PTPRD: variants seen among roughly 807,000 people sequenced by gnomAD.
The protein encoded by PTPRD is protein tyrosine phosphatase receptor type D.
Under a neutral mutation model 214.5 loss-of-function variants are expected in PTPRD, and 34 were observed. That is an observed-to-expected ratio of 0.16 (90% CI 0.12 to 0.21). The LOEUF is 0.21. Ranked by LOEUF, PTPRD falls within the 10% of genes least tolerant of loss-of-function variation. The pLI is 1.00. For synonymous variants in PTPRD, 1,128 were observed against 845.7 expected, an observed-to-expected ratio of 1.33 and a Z score of -5.79; for missense variants, 2,545 against 2,398.7, an observed-to-expected ratio of 1.06 and a Z score of -1.27.
At chr9:8,546,173 T>C (rs937768622) in intron 14 of PTPRD, among the ~76,000 whole-genome samples, 46 of 152,188 alleles carry the variant, frequency 3.0e-4, no homozygotes, top group African/African-American at 1.1e-3. Flanking sequence ...TTATGGAGAA[T>C]TAGCTGAAGT....
chr9:10,265,436 T>C (rs2093988972), intron 3 of PTPRD, among the ~76,000 whole-genome samples: 1 of 152,180 alleles, frequency 6.6e-6, no homozygotes, highest in Non-Finnish European at 1.5e-5. Context: ...GGAAAAGCCA[T>C]TATAGAATAA....
chr9:9,077,153 A>G (rs2099752397), intron 10 of PTPRD, among the ~76,000 whole-genome samples: 1 of 59,946 alleles, frequency 1.7e-5, no homozygotes, highest in African/African-American at 5.0e-5. Flanking sequence ...TCAGATTATT[A>G]GTTTTTTTTT....
chr9:9,759,641 T>C (rs1221727542), intron 6 of PTPRD, among the ~76,000 whole-genome samples: 1 of 142,000 alleles, frequency 7.0e-6, no homozygotes, highest in Non-Finnish European at 1.5e-5. Context: ...CACTGCAACC[T>C]CTACCTCCCA....
chr9:8,511,228 C>T (rs891327163), intron 21 of PTPRD, among the ~76,000 whole-genome samples: 1 of 151,960 alleles, frequency 6.6e-6, no homozygotes, highest in Non-Finnish European at 1.5e-5. Flanking sequence ...GCCATAACAC[C>T]CGGCTAATTT....
intron 3 of PTPRD, among the ~76,000 whole-genome samples, chr9:10,133,198 C>A (rs2154259987): frequency 6.6e-6 from 1 of 152,240 alleles, no homozygotes; most frequent in South Asian, 2.1e-4. Context: ...ATGGAGATCA[C>A]TAACGGTGCT....
intron 10 of PTPRD, among the ~76,000 whole-genome samples, chr9:9,144,970 C>T (rs2099866283): frequency 6.6e-6 from 1 of 152,130 alleles, no homozygotes; most frequent in Non-Finnish European, 1.5e-5. Context: ...TAAAGGTATT[C>T]TGAAAGTTAT....
At chr9:10,585,763 A>G (rs1342095180) in intron 2 of PTPRD, among the ~76,000 whole-genome samples, 1 of 151,934 alleles carries the variant, frequency 6.6e-6, no homozygotes, top group Non-Finnish European at 1.5e-5. Context: ...GTGTGGGGGG[A>G]AAAGGGCCCT....
intron 20 of PTPRD, 60 bp downstream of exon 20, chr9:8,521,217 G>C (rs1564030962): frequency 6.5e-7 from 1 of 1,532,484 alleles, no homozygotes. Flanking sequence ...GCTTTCTAGA[G>C]GCATTAGTCA....
rs367900734 is a variant in PTPRD at position 8,672,907 on chromosome 9, C to T, written c.65-36063G>A. ...AGAGGCCTAAATCCTCTCAATCTTT[C>T]TGTTTCAATTCTGCCAATTAAAAAC... On this transcript the variant is annotated intron_variant, in intron 12 of 45. Transcript: ENST00000381196. Among the ~76,000 whole-genome samples, 49 of 152,134 alleles carry T rather than the reference C, an allele frequency of 3.2e-4. No individual in the cohort carries two copies. The East Asian group carries it at 3.3e-3, about 10-fold the overall frequency.
At chr9:10,472,281 T>C (rs941390995) in intron 2 of PTPRD, among the ~76,000 whole-genome samples, 7 of 152,148 alleles carry the variant, frequency 4.6e-5, no homozygotes, top group African/African-American at 1.4e-4. Flanking sequence ...TATCTGACAC[T>C]GCAAACTCAT....
At chr9:10,019,318 C>A (rs1211916292) in intron 4 of PTPRD, among the ~76,000 whole-genome samples, 1 of 152,126 alleles carries the variant, frequency 6.6e-6, no homozygotes, top group Non-Finnish European at 1.5e-5. Context: ...AACACTTTTA[C>A]ACTGTTGGTG....
At chr9:9,904,878 G>T (rs2077193273) in intron 5 of PTPRD, among the ~76,000 whole-genome samples, 1 of 152,026 alleles carries the variant, frequency 6.6e-6, no homozygotes, top group East Asian at 1.9e-4. Context: ...GTGAAATAAC[G>T]AAGTGGGGAT....
At chr9:8,737,137 T>G (rs6477331) in intron 11 of PTPRD, among the ~76,000 whole-genome samples, 111,255 of 152,098 alleles carry the variant, frequency 0.73, 40,761 homozygotes, top group South Asian at 0.82. Context: ...CTGAAGTGCA[T>G]AAGAAGACCA....
At chr9:9,052,948 T>C (rs928225309) in intron 10 of PTPRD, among the ~76,000 whole-genome samples, 1 of 152,188 alleles carries the variant, frequency 6.6e-6, no homozygotes, top group African/African-American at 2.4e-5. Context: ...TTTTACGTAC[T>C]GAAACATTCT....
At chr9:10,558,915 G>C (rs930842096) in intron 2 of PTPRD, among the ~76,000 whole-genome samples, 2 of 152,100 alleles carry the variant, frequency 1.3e-5, no homozygotes, top group South Asian at 2.1e-4. Flanking sequence ...ATCTTGTTAG[G>C]AATTATGTTT....
intron 5 of PTPRD, among the ~76,000 whole-genome samples, chr9:9,798,919 T>C (rs2099021095): frequency 6.6e-6 from 1 of 152,180 alleles, no homozygotes; most frequent in African/African-American, 2.4e-5. Flanking sequence ...GTAAAATGTT[T>C]TGGTTTTTCT....
chr9:10,027,634 T>C (rs1158260920), intron 4 of PTPRD, among the ~76,000 whole-genome samples: 1 of 152,210 alleles, frequency 6.6e-6, no homozygotes, highest in Non-Finnish European at 1.5e-5. Flanking sequence ...TTCTCCTTTA[T>C]ACTGCCTATT....
At chr9:8,788,681 T>C (rs1268617467) in intron 11 of PTPRD, among the ~76,000 whole-genome samples, 2 of 152,210 alleles carry the variant, frequency 1.3e-5, no homozygotes, top group Admixed American at 1.3e-4. Context: ...ACATTTCTTA[T>C]CATTCGAATC....
At chr9:9,449,364 G>C (rs886274118) in intron 8 of PTPRD, among the ~76,000 whole-genome samples, 1 of 151,896 alleles carries the variant, frequency 6.6e-6, no homozygotes, top group African/African-American at 2.4e-5. Context: ...TCTCCATCTT[G>C]TACATTCCTC....
Sources: allele counts gnomAD v4.1 joint callset (sites outside exome capture counted in the v4.1 genomes callset), GRCh38; gene constraint gnomAD v4.1.1; transcripts MANE v1.5; gene names NCBI Gene and HGNC (gene_info 2026-07-23, HGNC 2026-07-21).